CLSTN1: variants seen among roughly 807,000 people sequenced by gnomAD.
CLSTN1 encodes calsyntenin-1.
In CLSTN1, 28 loss-of-function variants were observed where a neutral mutation model predicts 108.3. The observed-to-expected ratio is 0.26, with a 90% CI of 0.19 to 0.35. The LOEUF (loss-of-function observed/expected upper bound fraction) is 0.35. Among genes scored for constraint, CLSTN1 ranks in the 10% least tolerant of loss-of-function variants. The probability of loss-of-function intolerance (pLI) is 1.00; values close to 1 mark genes in which losing one functional copy is unlikely to be tolerated. For synonymous variants in CLSTN1, 524 were observed against 534.9 expected, an observed-to-expected ratio of 0.98 and a Z score of 0.28; for missense variants, 1,157 against 1,302.6, an observed-to-expected ratio of 0.89 and a Z score of 1.72.
intron 1 of CLSTN1, among the ~76,000 whole-genome samples, chr1:9,801,429 G>A (rs1248538054): frequency 1.3e-5 from 2 of 152,110 alleles, no homozygotes; most frequent in Admixed American, 1.3e-4. Flanking sequence ...CTTCCAAAAC[G>A]AAAAGTACCA....
At chr1:9,789,757 T>C (rs1250671791) in intron 1 of CLSTN1, among the ~76,000 whole-genome samples, 2 of 151,432 alleles carry the variant, frequency 1.3e-5, no homozygotes, top group Non-Finnish European at 2.9e-5. Flanking sequence ...GGAGAGTGGA[T>C]TGCTTGAGCC....
chr1:9,813,256 G>T (rs1654838511), intron 1 of CLSTN1, among the ~76,000 whole-genome samples: 2 of 152,090 alleles, frequency 1.3e-5, no homozygotes, highest in African/African-American at 4.8e-5. Flanking sequence ...CTAGCACTTT[G>T]GGAGGCTGAG....
chr1:9,785,729 T>A (rs1653456601), intron 1 of CLSTN1, among the ~76,000 whole-genome samples: 3 of 151,960 alleles, frequency 2.0e-5, no homozygotes, highest in Admixed American at 2.0e-4. Flanking sequence ...GATGTCTACA[T>A]GAAAATCACT....
intron 9 of CLSTN1, among the ~76,000 whole-genome samples, chr1:9,741,769 G>C (rs1043070580): frequency 6.6e-6 from 1 of 152,086 alleles, no homozygotes; most frequent in East Asian, 1.9e-4. Flanking sequence ...AAAATTAGCC[G>C]GGTGTGGTGG....
intron 4 of CLSTN1, among the ~76,000 whole-genome samples, chr1:9,752,841 G>A (rs1411042020): frequency 6.6e-6 from 1 of 152,094 alleles, no homozygotes; most frequent in Non-Finnish European, 1.5e-5. Flanking sequence ...CAGCCTGGGT[G>A]ACAGAGCGAG....
At position 9,744,756 on chromosome 1, in the gene CLSTN1, CT is replaced by C. The variant is rs796964858; in HGVS notation, c.986-114del. 7.3e-3 allele frequency: 7,485 copies of C among 1,021,054 alleles called. 1 individual carries two copies. Among genetic ancestry groups the C allele is most frequent in the Non-Finnish European group, 8.0e-3 (6,153 of 766,290 alleles). 63.2% of individuals were successfully genotyped at this position (1,021,054 alleles called of 1,614,324 possible). ...TAGGCAATCTGCTGGCTCCAGTTTA[CT>C]TTTTTTTTTTCTTTCGAGACAGAGT... is the stretch of plus-strand genomic sequence containing the variant. On this transcript the variant is annotated intron_variant, in intron 7 of 18. Coordinates refer to ENST00000377298, the MANE Select transcript of CLSTN1 (RefSeq NM_001009566.3).
At chr1:9,808,399 AAT>A (rs1420452125) in intron 1 of CLSTN1, among the ~76,000 whole-genome samples, 2 of 152,178 alleles carry the variant, frequency 1.3e-5, no homozygotes, top group Non-Finnish European at 2.9e-5. Context: ...TTATAGGTTA[AAT>A]ATGTTTCTGA....
chr1:9,758,594 G>GT (rs1334183624), intron 2 of CLSTN1, among the ~76,000 whole-genome samples: 1 of 152,190 alleles, frequency 6.6e-6, no homozygotes, highest in African/African-American at 2.4e-5. Flanking sequence ...GATTACAGGC[G>GT]TGAGTCACCG....
intron 9 of CLSTN1, among the ~76,000 whole-genome samples, chr1:9,742,567 G>A (rs1364954526): frequency 6.6e-6 from 1 of 152,124 alleles, no homozygotes; most frequent in Non-Finnish European, 1.5e-5. Context: ...CAGAACTGTA[G>A]CTAAAATGTC....
In CLSTN1 at chr1:9,823,659, C is replaced by CCCG. The variant is rs1655281059; in HGVS notation, c.72_74dup (p.Gly25dup). ...GGGGCTTACCTCGCGCGGCCCAGAC[C>CCCG]CCGCCGCCGCACAGCAGCCCGGCCA... On this transcript the variant is annotated inframe_insertion, in exon 1 of 19. Coordinates refer to ENST00000377298, the MANE Select transcript of CLSTN1 (RefSeq NM_001009566.3). The surrounding 1 kb of genome is among the most constrained non-coding windows in gnomAD (Gnocchi z 6.3). The CCCG allele has an allele frequency of 2.5e-6, 3 of 1,179,330 alleles. No homozygotes were observed. Among genetic ancestry groups the CCCG allele is most frequent in the Non-Finnish European group, 3.1e-6 (3 of 952,978 alleles). 73.1% of individuals were successfully genotyped at this position (1,179,330 alleles called of 1,614,324 possible). A position where few individuals can be genotyped will look rare whatever the true frequency, so the allele number is the denominator to read the frequency against.
At chr1:9,782,808 A>T (rs543071393) in intron 1 of CLSTN1, among the ~76,000 whole-genome samples, 2 of 151,776 alleles carry the variant, frequency 1.3e-5, no homozygotes, top group South Asian at 4.2e-4. Flanking sequence ...GGAGTTCAAG[A>T]CCAACCTGGC....
intron 1 of CLSTN1, among the ~76,000 whole-genome samples, chr1:9,794,210 T>C (rs1038225282): frequency 2.0e-5 from 3 of 151,558 alleles, no homozygotes; most frequent in Non-Finnish European, 4.4e-5. Context: ...CTTCAGTTTA[T>C]ACCTTGTCCA....
At chr1:9,763,459 T>C (rs940961172) in intron 2 of CLSTN1, among the ~76,000 whole-genome samples, 1 of 152,218 alleles carries the variant, frequency 6.6e-6, no homozygotes, top group African/African-American at 2.4e-5. Context: ...CCCAGTGATC[T>C]GCATTTTGAG....
intron 10 of CLSTN1, among the ~76,000 whole-genome samples, chr1:9,738,010 C>T (rs531244204): frequency 8.5e-5 from 13 of 152,304 alleles, no homozygotes; most frequent in African/African-American, 2.9e-4. Flanking sequence ...ATAGCACACA[C>T]GTGTCCCAAG....
intron 10 of CLSTN1, among the ~76,000 whole-genome samples, chr1:9,739,819 T>C (rs1278176188): frequency 3.4e-5 from 5 of 148,998 alleles, no homozygotes; most frequent in Admixed American, 6.7e-5. Flanking sequence ...AGGGCATTTT[T>C]TTTTTTTTTT....
At chr1:9,798,363 C>T (rs1481967064) in intron 1 of CLSTN1, among the ~76,000 whole-genome samples, 1 of 151,964 alleles carries the variant, frequency 6.6e-6, no homozygotes, top group African/African-American at 2.4e-5. Flanking sequence ...AACGGACAGA[C>T]GAAATGCAGT....
intron 1 of CLSTN1, among the ~76,000 whole-genome samples, chr1:9,793,907 G>C (rs1653876141): frequency 6.6e-6 from 1 of 151,442 alleles, no homozygotes; most frequent in African/African-American, 2.4e-5. Context: ...GCTTCCTAGA[G>C]CTTCCCCTGG....
chr1:9,783,624 G>GGTGA (rs1294493663), intron 1 of CLSTN1, among the ~76,000 whole-genome samples: 1 of 151,976 alleles, frequency 6.6e-6, no homozygotes, highest in African/African-American at 2.4e-5. Context: ...GGGAGGCCGA[G>GGTGA]GCAGGTGGAT....
Position 9,749,541 on chromosome 1 carries a change from G to A in CLSTN1, c.905C>T (p.Thr302Ile), listed in dbSNP as rs758347592. ...CDEPVASVQATVELETSHIGK... is the reference protein window; with the variant it reads ...CDEPVASVQAIVELETSHIGK... ...TATGTGGCTGGTTTCTAGCTCCACTGTGGCCTGTACTGAGGCGACTGGCTC... is the reference window on the plus strand; with the variant it reads ...TATGTGGCTGGTTTCTAGCTCCACTATGGCCTGTACTGAGGCGACTGGCTC... Residue 302 changes from threonine (T) to isoleucine (I), a missense_variant, in exon 7 of 19, where the codon ACA (threonine) becomes ATA (isoleucine). Transcript: ENST00000377298. 3.1e-6 allele frequency: 5 copies of A among 1,614,182 alleles called. No homozygotes were observed. Among genetic ancestry groups the A allele is most frequent in the Non-Finnish European group, 4.2e-6 (5 of 1,180,030 alleles).
Sources: gnomAD v4.1 joint callset for allele counts (sites outside exome capture counted in the v4.1 genomes callset) on GRCh38, gnomAD v4.1.1 for gene constraint, Gnocchi (gnomAD v3.1) non-coding constraint, MANE v1.5 for transcripts, NCBI Gene and HGNC (gene_info 2026-07-23, HGNC 2026-07-21) for gene names.